The following DNAJC21 variants were observed in gnomAD, a reference collection of about 807,000 sequenced individuals.
DNAJC21 encodes DnaJ heat shock protein family (Hsp40) member C21, also known as dnaJ homolog subfamily C member 21.
DNAJC21 carries 63 observed loss-of-function variants against 72.4 expected under a neutral mutation model. That is an observed-to-expected ratio of 0.87 (90% CI 0.71 to 1.07). DNAJC21 has a LOEUF of 1.07. DNAJC21 is among the 50% of genes least tolerant of loss of function. The pLI is 0.00. For synonymous variants in DNAJC21, 203 were observed against 216.7 expected, an observed-to-expected ratio of 0.94 and a Z score of 0.56; for missense variants, 634 against 644.8, an observed-to-expected ratio of 0.98 and a Z score of 0.18.
rs901278461 is a variant in DNAJC21 at position 34,958,428 on chromosome 5, G to T, written c.*3714G>T. On this transcript the variant is annotated 3_prime_UTR_variant, in exon 12 of 12. Transcript: ENST00000648817. ...TTATACCCTTCCCCAAAAACAAAGGGATTAAAGACCTAAATATGAAGACAA... is the reference window on the plus strand; with the variant it reads ...TTATACCCTTCCCCAAAAACAAAGGTATTAAAGACCTAAATATGAAGACAA... The T allele has an allele frequency of 1.3e-5, 2 of 152,084 alleles. No homozygotes were observed. Among genetic ancestry groups the T allele is most frequent in the African/African-American group, 4.8e-5 (2 of 41,400 alleles). The allele number at this position is 152,084 out of a possible 1,614,324, so 9.4% of individuals were successfully genotyped here.
chr5:34,951,277 C>A, intron 10 of DNAJC21: 1 of 985,454 alleles, frequency 1.0e-6, no homozygotes, highest in Non-Finnish European at 1.2e-6. Flanking sequence ...TTCACTCTGA[C>A]ACCAGGTGTT....
At chr5:34,939,156 C>A in intron 6 of DNAJC21, 147 bp downstream of exon 6, 1 of 708,658 alleles carries the variant, frequency 1.4e-6, no homozygotes, top group Non-Finnish European at 2.2e-6. Flanking sequence ...CTGAGCTAGT[C>A]TAATTCAAGT....
In DNAJC21 at chr5:34,935,834, G is replaced by A. The variant is rs771409328; in HGVS notation, c.315+1G>A. 2 of 1,613,878 alleles carry A rather than the reference G, an allele frequency of 1.2e-6. No homozygotes were observed. Among genetic ancestry groups the A allele is most frequent in the East Asian group, 2.2e-5 (1 of 44,826 alleles). On this transcript the variant is annotated splice_donor_variant, in intron 3 of 11. Transcript: ENST00000648817. LOFTEE classifies it high-confidence loss of function. The stretch of plus-strand genomic sequence containing the variant: ...TTCTGGTTATGGAGATGATGAAAAG[G>A]TAAGATAAATGAACTCACCCTTGAT...
chr5:34,941,232 C>A, intron 7 of DNAJC21, 49 bp downstream of exon 7: 1 of 1,532,940 alleles, frequency 6.5e-7, no homozygotes. Context: ...GGGTCTCACT[C>A]TGTCACCAAG....
intron 7 of DNAJC21, among the ~76,000 whole-genome samples, chr5:34,942,728 A>G (rs1249693641): frequency 2.0e-5 from 3 of 152,186 alleles, no homozygotes; most frequent in Non-Finnish European, 4.4e-5. Context: ...AGTAACTTAC[A>G]TATATAGTGT....
Position 34,937,333 on chromosome 5 carries a change from A to C in DNAJC21, c.446A>C (p.His149Pro). Residue 149 changes from histidine to proline, a missense_variant, in exon 5 of 12, where the codon CAT becomes CCT. Coordinates refer to ENST00000648817, the MANE Select transcript of DNAJC21 (RefSeq NM_001012339.3). The stretch of plus-strand genomic sequence containing the variant: ...TGTTTTCTTTGTCACTAGGTAGTCC[A>C]TCCTTTCTACGCTTATTGGCAGAGT... ...DSQSDYDTVV[H>P]PFYAYWQSFC... is the part of the protein sequence containing the mutation. 1 of 1,607,714 alleles carries C rather than the reference A, an allele frequency of 6.2e-7. No homozygotes were observed. Among genetic ancestry groups the C allele is most frequent in the Non-Finnish European group, 8.5e-7 (1 of 1,177,160 alleles).
At chr5:34,930,131 C>G (rs1240042270) in intron 1 of DNAJC21, 1 of 366,202 alleles carries the variant, frequency 2.7e-6, no homozygotes, top group Non-Finnish European at 5.1e-6. Context: ...CCCATCTCCT[C>G]ATACCCGCGA....
chr5:34,940,206 G>A (rs570082209), intron 6 of DNAJC21, among the ~76,000 whole-genome samples: 6 of 152,258 alleles, frequency 3.9e-5, no homozygotes, highest in African/African-American at 1.4e-4. Context: ...TTTAGATCCA[G>A]AGTTTTTGCT....
At chr5:34,946,384 A>G (rs562267892) in intron 9 of DNAJC21, among the ~76,000 whole-genome samples, 1 of 152,174 alleles carries the variant, frequency 6.6e-6, no homozygotes, top group Non-Finnish European at 1.5e-5. Context: ...AATAAAGTGA[A>G]TTTGTCCATT....
rs981282931 is a variant in DNAJC21 at position 34,935,922 on chromosome 5, A to G, written c.315+89A>G. ...AGAATTCTTAAAACTATTCTGTAATAGAAAGTGAAGCAGTGTTCATTTTGA... is the reference window on the plus strand; with the variant it reads ...AGAATTCTTAAAACTATTCTGTAATGGAAAGTGAAGCAGTGTTCATTTTGA... On this transcript the variant is annotated intron_variant, in intron 3 of 11. Transcript: ENST00000648817. 4 of 1,557,698 alleles carry G rather than the reference A, an allele frequency of 2.6e-6. No homozygotes were observed. The African/African-American group carries it at 4.1e-5, about 16-fold the overall frequency.
intron 7 of DNAJC21, 25 bp from the exon 8 acceptor site, chr5:34,944,842 T>C (rs1383287059): frequency 5.6e-6 from 9 of 1,612,322 alleles, no homozygotes; most frequent in Admixed American, 3.4e-5. Context: ...TTAGCGCAGC[T>C]GCTCACGTCA....
At position 34,935,707 on chromosome 5, in the gene DNAJC21, C is replaced by T. The variant is rs201515053; in HGVS notation, c.192-3C>T. 2 of 1,613,300 alleles carry T rather than the reference C, an allele frequency of 1.2e-6. No homozygotes were observed. Among genetic ancestry groups the T allele is most frequent in the Non-Finnish European group, 1.7e-6 (2 of 1,179,664 alleles). ...CACAATGATGCTAATTTTTGTTTTTCAGGTATGATAATCATAGAGAGGCCC... is the reference window on the plus strand; with the variant it reads ...CACAATGATGCTAATTTTTGTTTTTTAGGTATGATAATCATAGAGAGGCCC... On this transcript the variant is annotated splice_region_variant and splice_polypyrimidine_tract_variant and intron_variant, in intron 2 of 11. Coordinates refer to ENST00000648817, the MANE Select transcript of DNAJC21 (RefSeq NM_001012339.3).
In DNAJC21 at chr5:34,957,367, C is replaced by G. The variant is rs1296062308; in HGVS notation, c.*2653C>G. On this transcript the variant is annotated 3_prime_UTR_variant, in exon 12 of 12. Coordinates refer to ENST00000648817, the MANE Select transcript of DNAJC21 (RefSeq NM_001012339.3). Reference sequence around the variant, plus strand: ...TGTAATTCATTCAGTGGTGCCAAAGCTGGGGGTTCCCTACAATGGCTATTT... The same window carrying G: ...TGTAATTCATTCAGTGGTGCCAAAGGTGGGGGTTCCCTACAATGGCTATTT... 6.6e-6 allele frequency: 1 copy of G among 152,136 alleles called. No individual in the cohort carries two copies. Among genetic ancestry groups the G allele is most frequent in the Non-Finnish European group, 1.5e-5 (1 of 68,026 alleles). The allele number at this position is 152,136 out of a possible 1,614,324, so 9.4% of individuals were successfully genotyped here.
At chr5:34,935,993 A>G in intron 3 of DNAJC21, 151 bp from the exon 4 acceptor site, 1 of 1,401,044 alleles carries the variant, frequency 7.1e-7, no homozygotes, top group Admixed American at 2.4e-5. Flanking sequence ...CAGTGTATAA[A>G]AACCTCTAGT....
Position 34,937,502 on chromosome 5 carries a change from G to A in DNAJC21, c.615G>A (p.Gln205=). 1 of 1,614,180 alleles carries A rather than the reference G, an allele frequency of 6.2e-7. No individual in the cohort carries two copies. The highest frequency in any genetic ancestry group is 8.5e-7 in the Non-Finnish European group (1 of 1,179,992). Residue 205 remains glutamine (Q), a synonymous_variant, in exon 5 of 12, where the codon CAG becomes CAA. Transcript: ENST00000648817. The part of the protein sequence containing the change: ...ARKEKNELVR[Q]LVAFIRKRDK... ...AAGAGAAGAATGAGCTTGTCCGTCA[G>A]CTGGTAGCTTTCATTCGTAAAAGAG...
intron 6 of DNAJC21, 43 bp from the exon 7 acceptor site, chr5:34,941,053 C>G: frequency 2.1e-6 from 3 of 1,449,302 alleles, no homozygotes; most frequent in Non-Finnish European, 2.9e-6. Context: ...TAGATTTGTG[C>G]TCTGATCAAA....
intron 10 of DNAJC21, chr5:34,953,547 G>A: frequency 6.5e-6 from 1 of 154,846 alleles, no homozygotes; most frequent in Non-Finnish European, 1.4e-5. Context: ...ACAGGTGTGA[G>A]CCACCGTGCC....
intron 10 of DNAJC21, chr5:34,951,892 A>G: frequency 1.0e-6 from 1 of 985,480 alleles, no homozygotes; most frequent in Non-Finnish European, 1.2e-6. Context: ...GCAACCACTG[A>G]TATAGTTCAG....
chr5:34,934,321 C>G (rs763352654), intron 2 of DNAJC21, among the ~76,000 whole-genome samples: 9 of 151,812 alleles, frequency 5.9e-5, no homozygotes, highest in Admixed American at 1.3e-4. Flanking sequence ...CTCTGCCTCC[C>G]AGGTTCAAGC....
Sources: allele counts gnomAD v4.1 joint callset (sites outside exome capture counted in the v4.1 genomes callset), GRCh38; gene constraint gnomAD v4.1.1; transcripts MANE v1.5; gene names NCBI Gene and HGNC (gene_info 2026-07-23, HGNC 2026-07-21).